Variants in PKP2 observed in about 807,000 individuals in gnomAD.
PKP2 encodes plakophilin 2.
A neutral mutation model predicts 83.4 loss-of-function variants in PKP2; 73 were observed. That is an observed-to-expected ratio of 0.88 (90% confidence interval 0.72 to 1.06). PKP2 has a LOEUF of 1.06. PKP2 is among the 50% of genes least tolerant of loss of function. The probability of loss-of-function intolerance (pLI) is 0.00; values close to 1 mark genes in which losing one functional copy is unlikely to be tolerated. For missense variants in PKP2, 966 were observed against 1,065.4 expected (o/e 0.91, Z 1.30); for synonymous variants, 409 against 430.4 (o/e 0.95, Z 0.62).
intron 1 of PKP2, among the ~76,000 whole-genome samples, chr12:32,891,238 T>A (rs1957073243): frequency 6.6e-6 from 1 of 152,204 alleles, no homozygotes; most frequent in African/African-American, 2.4e-5. Flanking sequence ...CAGAATTGTA[T>A]AATTTAAACT....
intron 9 of PKP2, among the ~76,000 whole-genome samples, chr12:32,808,013 T>C (rs1316809428): frequency 6.6e-6 from 1 of 152,214 alleles, no homozygotes; most frequent in Non-Finnish European, 1.5e-5. Flanking sequence ...TTGGATAATC[T>C]TCTCATGGAG....
intron 1 of PKP2, among the ~76,000 whole-genome samples, chr12:32,892,828 G>C (rs992752291): frequency 1.5e-5 from 2 of 129,484 alleles, no homozygotes; most frequent in African/African-American, 5.6e-5. Flanking sequence ...CGGGGGGGGG[G>C]GGAGAACTGT....
chr12:32,800,094 A>G (rs1392675449), intron 10 of PKP2, among the ~76,000 whole-genome samples: 1 of 152,180 alleles, frequency 6.6e-6, no homozygotes, highest in Non-Finnish European at 1.5e-5. Flanking sequence ...AAAGATAGAG[A>G]GCATGCATCT....
intron 9 of PKP2, among the ~76,000 whole-genome samples, chr12:32,813,917 T>C (rs1033037530): frequency 1.3e-5 from 2 of 152,228 alleles, no homozygotes; most frequent in Admixed American, 6.5e-5. Flanking sequence ...TTAATTACTA[T>C]TTTCTAATGT....
Position 32,873,773 on chromosome 12 carries a change from G to A in PKP2, c.1034+4073C>T, listed in dbSNP as rs188409308. On this transcript the variant is annotated intron_variant, in intron 3 of 12. Transcript: ENST00000340811. ...TCAAACTCCTGACCTCAAGTGATCC[G>A]CCCACCTCGGCCTCGTAAAGTGCTG... is the stretch of plus-strand genomic sequence containing the variant. Among the ~76,000 whole-genome samples the A allele has an allele frequency of 1.8e-3, 281 of 152,038 alleles. 2 individuals carry two copies. The highest frequency in any genetic ancestry group is 6.2e-3 in the African/African-American group (257 of 41,470).
At position 32,834,656 on chromosome 12, in the gene PKP2, C is replaced by T. The variant is rs749293849; in HGVS notation, c.1556+6372G>A. Among the ~76,000 whole-genome samples the T allele has an allele frequency of 7.2e-5, 11 of 152,012 alleles. No individual in the cohort carries two copies. In the South Asian group the frequency reaches 1.9e-3, roughly 26 times the overall value. ...AACTCTGAGGCATTTTAATTTATTA[C>T]CTCTAAATTGCTTCCAGTTCTTGTC... On this transcript the variant is annotated intron_variant, in intron 6 of 12. Transcript: ENST00000340811.
At chr12:32,890,007 C>T (rs570737575) in intron 1 of PKP2, among the ~76,000 whole-genome samples, 7 of 129,982 alleles carry the variant, frequency 5.4e-5, no homozygotes, top group Admixed American at 9.7e-5. Context: ...CCCGAGGAGA[C>T]GGAGGTTGCA....
chr12:32,809,346 A>C (rs1956255825), intron 9 of PKP2, among the ~76,000 whole-genome samples: 1 of 152,198 alleles, frequency 6.6e-6, no homozygotes, highest in South Asian at 2.1e-4. Context: ...TCCCTTCCTC[A>C]TCTGGACCAC....
At chr12:32,799,979 A>G (rs529337864) in intron 10 of PKP2, among the ~76,000 whole-genome samples, 13 of 152,344 alleles carry the variant, frequency 8.5e-5, no homozygotes, top group South Asian at 2.1e-4. Context: ...AACTTGTCCT[A>G]TGGTACATAT....
rs140235564 is a variant in PKP2, at chr12:32,877,980, C to T, written c.900G>A (p.Thr300=). Residue 300 remains threonine, a synonymous_variant, in exon 3 of 13, where the codon ACG becomes ACA. Coordinates refer to ENST00000340811, the MANE Select transcript of PKP2 (RefSeq NM_001005242.3). ...CGACACTGGGCCCAGCTTCCCTCAG[C>T]GTGCGGGTGCTGTGGAAGGAGCTCT... ...WHQSSFHSTR[T]LREAGPSVAV... is the part of the protein sequence containing the mutation. The T allele has an allele frequency of 3.6e-5, 58 of 1,613,940 alleles. No individual in the cohort carries two copies. Among genetic ancestry groups the T allele is most frequent in the African/African-American group, 5.3e-5 (4 of 74,942 alleles).
At position 32,810,769 on chromosome 12, in the gene PKP2, C is replaced by T. The variant is rs1253085808; in HGVS notation, c.2014-8213G>A. On this transcript the variant is annotated intron_variant, in intron 9 of 12. Transcript: ENST00000340811. ...GGATCTCGGCTCACTGCAAGCTCCG[C>T]CTCCCGGGTTCACGCCATTCTCCTG... Among the ~76,000 whole-genome samples, 2 of 36,070 alleles carry T rather than the reference C, an allele frequency of 5.5e-5. 1 individual carries two copies. Among genetic ancestry groups the T allele is most frequent in the Non-Finnish European group, 2.2e-4 (2 of 9,054 alleles). 23.7% of individuals were successfully genotyped at this position (36,070 alleles called of 152,430 possible). A position where few individuals can be genotyped will look rare whatever the true frequency, so the allele number is the denominator to read the frequency against.
At chr12:32,812,844 T>C (rs1214639602) in intron 9 of PKP2, among the ~76,000 whole-genome samples, 1 of 152,220 alleles carries the variant, frequency 6.6e-6, no homozygotes, top group Non-Finnish European at 1.5e-5. Context: ...ACTATTTCCA[T>C]ACAAATGACT....
chr12:32,791,212 G>A lies in PKP2; in HGVS notation c.*1212C>T, dbSNP rs1175222754. On this transcript the variant is annotated 3_prime_UTR_variant, in exon 13 of 13. Coordinates refer to ENST00000340811, the MANE Select transcript of PKP2 (RefSeq NM_001005242.3). Reference sequence around the variant, plus strand: ...ACAACATTTAATGTAGATTCATTTCGCTGGATGATGTCAACCATTTAAAAT... The same window carrying A: ...ACAACATTTAATGTAGATTCATTTCACTGGATGATGTCAACCATTTAAAAT... 1 of 107,998 alleles carries A rather than the reference G, an allele frequency of 9.3e-6. No individual in the cohort carries two copies. The highest frequency in any genetic ancestry group is 8.6e-5 in the Admixed American group (1 of 11,586). 6.7% of individuals were successfully genotyped at this position (107,998 alleles called of 1,614,324 possible). A position where few individuals can be genotyped will look rare whatever the true frequency, so the allele number is the denominator to read the frequency against.
At position 32,801,231 on chromosome 12, in the gene PKP2, C is replaced by T. The variant is rs188880177; in HGVS notation, c.2167+1172G>A. Among the ~76,000 whole-genome samples, 274 of 152,306 alleles carry T rather than the reference C, an allele frequency of 1.8e-3. 1 individual carries two copies. Among genetic ancestry groups the T allele is most frequent in the African/African-American group, 6.3e-3 (263 of 41,564 alleles). On this transcript the variant is annotated intron_variant, in intron 10 of 12. Transcript: ENST00000340811. ...GCAGAACCTGAGGCCAACAGCATTTCTGCCCTGAAGGTACATGCTTAATGT... is the reference window on the plus strand; with the variant it reads ...GCAGAACCTGAGGCCAACAGCATTTTTGCCCTGAAGGTACATGCTTAATGT...
At chr12:32,792,605 C>CAAG in intron 12 of PKP2, 39 bp downstream of exon 12, 1 of 1,578,484 alleles carries the variant, frequency 6.3e-7, no homozygotes, top group East Asian at 2.2e-5. Context: ...TATTACCTGG[C>CAAG]TCTGTTAACT....
intron 4 of PKP2, among the ~76,000 whole-genome samples, chr12:32,861,469 T>C (rs1323436212): frequency 1.3e-5 from 2 of 152,172 alleles, no homozygotes; most frequent in African/African-American, 4.8e-5. Context: ...ATTAAACACA[T>C]TAATGTATTA....
intron 6 of PKP2, among the ~76,000 whole-genome samples, chr12:32,825,601 T>C (rs74976025): frequency 1.6e-3 from 246 of 152,302 alleles, no homozygotes; most frequent in African/African-American, 5.7e-3. Context: ...CCTTACTTTC[T>C]TCATCTTTAA....
intron 6 of PKP2, among the ~76,000 whole-genome samples, chr12:32,839,101 A>C (rs569640354): frequency 6.6e-6 from 1 of 152,286 alleles, no homozygotes; most frequent in South Asian, 2.1e-4. Context: ...GTGGGAAAAA[A>C]GGTGGTAATG....
At chr12:32,799,999 T>G (rs1370444952) in intron 10 of PKP2, among the ~76,000 whole-genome samples, 1 of 152,244 alleles carries the variant, frequency 6.6e-6, no homozygotes, top group Non-Finnish European at 1.5e-5. Flanking sequence ...TTTTGGTCAA[T>G]GTGAACTTGT....
Sources: gnomAD v4.1 joint callset for allele counts (sites outside exome capture counted in the v4.1 genomes callset) on GRCh38, gnomAD v4.1.1 for gene constraint, MANE v1.5 for transcripts, NCBI Gene and HGNC (gene_info 2026-07-23, HGNC 2026-07-21) for gene names.